Variants in MCF2L2 observed in about 807,000 individuals in gnomAD.
MCF2L2 encodes the protein MCF.2 cell line derived transforming sequence-like 2, also known as probable guanine nucleotide exchange factor MCF2L2.
Under a neutral mutation model 150.2 loss-of-function variants are expected in MCF2L2, and 102 were observed. The observed-to-expected ratio is 0.68, with a 90% CI of 0.58 to 0.80. The LOEUF is 0.80. Ranked by LOEUF, MCF2L2 falls within the 30% of genes least tolerant of loss-of-function variation. MCF2L2 has a pLI of 0.00. For missense variants in MCF2L2, 1,256 were observed against 1,372.8 expected, an observed-to-expected ratio of 0.91 and a Z score of 1.34; for synonymous variants, 465 against 491.3, an observed-to-expected ratio of 0.95 and a Z score of 0.71.
intron 5 of MCF2L2, among the ~76,000 whole-genome samples, chr3:183,334,842 T>C (rs888904794): frequency 6.0e-5 from 9 of 149,376 alleles, no homozygotes; most frequent in African/African-American, 2.2e-4. Flanking sequence ...CAATGGCTCA[T>C]GCCTGTAATC....
At chr3:183,231,788 AT>A (rs1471468850) in intron 15 of MCF2L2, among the ~76,000 whole-genome samples, 1 of 152,078 alleles carries the variant, frequency 6.6e-6, no homozygotes, top group Non-Finnish European at 1.5e-5. Flanking sequence ...ATATGGATGT[AT>A]TTTGTTGTAC....
Position 183,318,361 on chromosome 3 carries a change from A to T in MCF2L2, c.604-144T>A. ...ATGGTATAGAGGACCTGATTCTGAT[A>T]GGGAGATTAAAAAGAGGCTGGTTTT... On this transcript the variant is annotated intron_variant, in intron 6 of 29. Transcript: ENST00000328913. 3 of 913,642 alleles carry T rather than the reference A, an allele frequency of 3.3e-6. No homozygotes were observed. The South Asian group carries it at 4.9e-5, about 15-fold the overall frequency. The allele number at this position is 913,642 out of a possible 1,614,324, so 56.6% of individuals were successfully genotyped here.
In MCF2L2 at chr3:183,360,381, A is replaced by C. The variant is rs568867191; in HGVS notation, c.276-18751T>G. 2.4e-3 allele frequency among the ~76,000 whole-genome samples: 369 copies of C among 152,210 alleles called. 1 individual carries two copies. The highest frequency in any genetic ancestry group is 4.1e-3 in the Non-Finnish European group (280 of 68,002). On this transcript the variant is annotated intron_variant, in intron 3 of 29. Coordinates refer to ENST00000328913, the MANE Select transcript of MCF2L2 (RefSeq NM_015078.4). Reference sequence around the variant, plus strand: ...CCAGGAGTTCATGATCAGCCTGGGCAACAGAACGAGATACTGTCCCCACAC... The same window carrying C: ...CCAGGAGTTCATGATCAGCCTGGGCCACAGAACGAGATACTGTCCCCACAC...
At chr3:183,303,776 A>G (rs1202649841) in intron 10 of MCF2L2, among the ~76,000 whole-genome samples, 1 of 151,942 alleles carries the variant, frequency 6.6e-6, no homozygotes, top group African/African-American at 2.4e-5. Context: ...CAATTCCAAC[A>G]TATCTTATTG....
chr3:183,191,997 A>C (rs1332119776), intron 27 of MCF2L2, among the ~76,000 whole-genome samples: 4 of 147,556 alleles, frequency 2.7e-5, no homozygotes, highest in African/African-American at 7.5e-5. Context: ...CCCACCACCA[A>C]GCGCAGCTAA....
chr3:183,334,759 C>A (rs1730403641), intron 5 of MCF2L2, among the ~76,000 whole-genome samples: 2 of 145,610 alleles, frequency 1.4e-5, no homozygotes, highest in Non-Finnish European at 3.0e-5. Context: ...CGCCATTGCA[C>A]TCCAGCCTGG....
chr3:183,198,586 G>C (rs1722152065), intron 25 of MCF2L2, among the ~76,000 whole-genome samples: 1 of 152,158 alleles, frequency 6.6e-6, no homozygotes, highest in Admixed American at 6.5e-5. Flanking sequence ...GGTTTATCGT[G>C]TCATTATACC....
chr3:183,224,413 TCTGGGAGC>T (rs974427764), intron 18 of MCF2L2: 13 of 473,572 alleles, frequency 2.7e-5, no homozygotes, highest in Middle Eastern at 5.7e-4. Context: ...CACAGAGTGC[TCTGGGAGC>T]ATCTACAAGG....
intron 2 of MCF2L2, among the ~76,000 whole-genome samples, chr3:183,384,485 T>C (rs1713713528): frequency 6.6e-6 from 1 of 152,192 alleles, no homozygotes; most frequent in Non-Finnish European, 1.5e-5. Context: ...CTGCACTTGA[T>C]GGATCAGCTG....
At chr3:183,281,976 C>G (rs1396720475) in intron 14 of MCF2L2, among the ~76,000 whole-genome samples, 4 of 146,856 alleles carry the variant, frequency 2.7e-5, no homozygotes, top group African/African-American at 7.6e-5. Flanking sequence ...CTTCCTGAAG[C>G]TTGCAGCCTC....
intron 5 of MCF2L2, among the ~76,000 whole-genome samples, chr3:183,328,018 G>A (rs1001374818): frequency 3.3e-5 from 5 of 152,170 alleles, no homozygotes; most frequent in African/African-American, 1.2e-4. Flanking sequence ...GAAAAAATAA[G>A]TGATTATAAT....
intron 3 of MCF2L2, among the ~76,000 whole-genome samples, chr3:183,368,535 G>A (rs769147499): frequency 5.3e-5 from 8 of 152,068 alleles, no homozygotes; most frequent in South Asian, 4.1e-4. Flanking sequence ...AGGCCGAGGC[G>A]GGCAAATCAC....
chr3:183,298,559 G>C (rs1195231064), intron 11 of MCF2L2: 1 of 152,008 alleles, frequency 6.6e-6, no homozygotes, highest in African/African-American at 2.4e-5. Context: ...GGATATGTAC[G>C]TGCCCATGAG....
intron 1 of MCF2L2, among the ~76,000 whole-genome samples, chr3:183,416,829 G>C (rs560133774): frequency 1.4e-4 from 21 of 152,176 alleles, no homozygotes; most frequent in African/African-American, 4.6e-4. Flanking sequence ...TAGAGATCAG[G>C]CTGGGAGTGG....
intron 20 of MCF2L2, among the ~76,000 whole-genome samples, chr3:183,220,844 G>A (rs925158331): frequency 8.5e-5 from 13 of 152,168 alleles, no homozygotes; most frequent in Admixed American, 5.2e-4. Context: ...TGTCCTTTGC[G>A]CATCTTTTTA....
intron 3 of MCF2L2, among the ~76,000 whole-genome samples, chr3:183,361,789 A>G (rs567616622): frequency 4.6e-5 from 7 of 152,348 alleles, no homozygotes; most frequent in African/African-American, 1.7e-4. Flanking sequence ...TTAAGTGTGA[A>G]TAAGTATAAG....
chr3:183,223,999 G>T (rs878887939), intron 19 of MCF2L2, 99 bp downstream of exon 19: 3 of 849,672 alleles, frequency 3.5e-6, no homozygotes, highest in African/African-American at 1.7e-5. Flanking sequence ...AACATAAATC[G>T]CAATGCCAAG....
At chr3:183,354,748 A>G (rs1218048914) in intron 3 of MCF2L2, among the ~76,000 whole-genome samples, 3 of 152,140 alleles carry the variant, frequency 2.0e-5, no homozygotes, top group Non-Finnish European at 4.4e-5. Context: ...TTACCCAATG[A>G]CCTTGGGCAC....
intron 26 of MCF2L2, among the ~76,000 whole-genome samples, chr3:183,194,316 C>T (rs1047209106): frequency 6.6e-6 from 1 of 152,102 alleles, no homozygotes; most frequent in African/African-American, 2.4e-5. Flanking sequence ...GTGCTTTGGA[C>T]AGGAAGAGGA....
Sources: gnomAD v4.1 joint callset for allele counts (sites outside exome capture counted in the v4.1 genomes callset) on GRCh38, gnomAD v4.1.1 for gene constraint, MANE v1.5 for transcripts, NCBI Gene and HGNC (gene_info 2026-07-23, HGNC 2026-07-21) for gene names.